Variants in GALNT13 observed in about 807,000 individuals in gnomAD.
GALNT13 encodes the protein polypeptide N-acetylgalactosaminyltransferase 13.
In GALNT13, 28 loss-of-function variants were observed where a neutral mutation model predicts 64.2. The ratio of observed to expected loss-of-function variants is 0.44; its 90% CI spans 0.32 to 0.60. The LOEUF is 0.60. Among genes scored for constraint, GALNT13 ranks in the 20% least tolerant of loss-of-function variants. The pLI is 0.05. For missense variants in GALNT13, 577 were observed against 669.8 expected (o/e 0.86, Z 1.53); for synonymous variants, 214 against 224.6 (o/e 0.95, Z 0.42).
At chr2:153,445,439 A>G in the GALNT13 span, among the ~76,000 whole-genome samples, 3 of 152,120 alleles carry the variant, frequency 2.0e-5, no homozygotes, top group Non-Finnish European at 4.4e-5. Context: ...GTGCAGTGGT[A>G]TGATCATGGT....
chr2:153,704,250 C>T, the GALNT13 span, among the ~76,000 whole-genome samples: 1 of 152,064 alleles, frequency 6.6e-6, no homozygotes, highest in African/African-American at 2.4e-5. Flanking sequence ...GGTCCAATTA[C>T]AAAAATGTAT....
chr2:153,082,822 TTTTATTTA>T, the GALNT13 span, among the ~76,000 whole-genome samples: 1 of 146,488 alleles, frequency 6.8e-6, no homozygotes, highest in Admixed American at 6.9e-5. Context: ...ATAAAATATA[TTTTATTTA>T]TTTATTTATT....
the GALNT13 span, among the ~76,000 whole-genome samples, chr2:153,772,666 G>T: frequency 6.6e-6 from 1 of 152,176 alleles, no homozygotes; most frequent in Admixed American, 6.5e-5. Context: ...GGGAAAAAAA[G>T]GTTTTATTAG....
the GALNT13 span, among the ~76,000 whole-genome samples, chr2:153,825,483 C>T: frequency 2.4e-4 from 37 of 152,182 alleles, no homozygotes; most frequent in African/African-American, 7.5e-4. Context: ...AATAGATTAG[C>T]GCAGTGCAAA....
At chr2:153,110,190 T>C in the GALNT13 span, among the ~76,000 whole-genome samples, 5 of 152,136 alleles carry the variant, frequency 3.3e-5, no homozygotes, top group Non-Finnish European at 7.4e-5. Context: ...CTTTAAAATG[T>C]ACCAAAACAT....
At chr2:153,141,198 G>GT in the GALNT13 span, among the ~76,000 whole-genome samples, 1 of 148,906 alleles carries the variant, frequency 6.7e-6, no homozygotes, top group Admixed American at 7.3e-5. Flanking sequence ...GCAGATAGCA[G>GT]TTTTTTATTT....
chr2:154,383,266 G>T (rs1305782295), intron 9 of GALNT13, among the ~76,000 whole-genome samples: 1 of 151,878 alleles, frequency 6.6e-6, no homozygotes, highest in Non-Finnish European at 1.5e-5. Context: ...TATTTACTAT[G>T]CATGATGCAC....
the GALNT13 span, among the ~76,000 whole-genome samples, chr2:153,635,443 C>CATATATGTGTATATATATATAT: frequency 6.9e-6 from 1 of 144,530 alleles, no homozygotes; most frequent in Non-Finnish European, 1.5e-5. Context: ...TATATATACA[C>CATATATGTGTATATATATATAT]ACATATATAT....
chr2:154,382,201 A>G (rs913306288), intron 9 of GALNT13, among the ~76,000 whole-genome samples: 9 of 152,086 alleles, frequency 5.9e-5, no homozygotes, highest in African/African-American at 1.9e-4. Context: ...AAATGGTAGC[A>G]TAGTCCTAGA....
chr2:153,224,723 G>A, the GALNT13 span, among the ~76,000 whole-genome samples: 1 of 152,144 alleles, frequency 6.6e-6, no homozygotes, highest in South Asian at 2.1e-4. Flanking sequence ...TATGAAAACT[G>A]TTTTTCACGC....
chr2:153,733,948 CT>C, the GALNT13 span, among the ~76,000 whole-genome samples: 5 of 152,140 alleles, frequency 3.3e-5, no homozygotes, highest in African/African-American at 1.2e-4. Context: ...GAGCCATCCC[CT>C]TTTTATTTCT....
At chr2:154,132,326 A>G (rs1387003142) in intron 3 of GALNT13, among the ~76,000 whole-genome samples, 3 of 80,350 alleles carry the variant, frequency 3.7e-5, no homozygotes, top group African/African-American at 1.1e-4. Context: ...TGATATATGC[A>G]TATACTTCAT....
At chr2:153,630,505 G>A in the GALNT13 span, among the ~76,000 whole-genome samples, 1 of 80,756 alleles carries the variant, frequency 1.2e-5, no homozygotes, top group Non-Finnish European at 2.3e-5. Flanking sequence ...TTGTGGGGTG[G>A]GGGGAGGGGG....
chr2:153,771,506 C>A, the GALNT13 span, among the ~76,000 whole-genome samples: 2 of 151,920 alleles, frequency 1.3e-5, no homozygotes, highest in Non-Finnish European at 2.9e-5. Context: ...TACCTTTGCA[C>A]CAAGATTTCT....
At chr2:153,619,901 T>C in the GALNT13 span, among the ~76,000 whole-genome samples, 3 of 152,086 alleles carry the variant, frequency 2.0e-5, no homozygotes, top group African/African-American at 7.2e-5. Flanking sequence ...CTTTGGGAGT[T>C]TGATTATTAA....
the GALNT13 span, among the ~76,000 whole-genome samples, chr2:153,073,900 G>A: frequency 6.6e-6 from 1 of 152,072 alleles, no homozygotes; most frequent in African/African-American, 2.4e-5. Context: ...GAGAAGCTGA[G>A]TTGTATTACT....
chr2:153,479,497 G>T, the GALNT13 span, among the ~76,000 whole-genome samples: 1 of 152,140 alleles, frequency 6.6e-6, no homozygotes. Context: ...GAGGAAGGAG[G>T]AGTTCTTCTG....
At chr2:154,189,250 G>A (rs1686430656) in intron 4 of GALNT13, among the ~76,000 whole-genome samples, 1 of 151,982 alleles carries the variant, frequency 6.6e-6, no homozygotes, top group Non-Finnish European at 1.5e-5. Flanking sequence ...ATTATAAATA[G>A]GACATATAAA....
chr2:154,299,752 C>G (rs953294207), intron 8 of GALNT13, among the ~76,000 whole-genome samples: 13 of 151,928 alleles, frequency 8.6e-5, no homozygotes, highest in Non-Finnish European at 1.5e-4. Context: ...CGTGAGCCAC[C>G]GCGCCCGGCC....
Sources: gnomAD v4.1 joint callset for allele counts (sites outside exome capture counted in the v4.1 genomes callset) on GRCh38, gnomAD v4.1.1 for gene constraint, MANE v1.5 for transcripts, NCBI Gene and HGNC (gene_info 2026-07-23, HGNC 2026-07-21) for gene names.